PTPRN2: variants seen among roughly 807,000 people sequenced by gnomAD.
PTPRN2 encodes protein tyrosine phosphatase receptor type N2.
In PTPRN2, 74 loss-of-function variants were observed where a neutral mutation model predicts 118.8. The observed-to-expected ratio is 0.62, with a 90% CI of 0.52 to 0.76. The LOEUF is 0.76. PTPRN2 is among the 30% of genes least tolerant of loss of function. The pLI is 0.00. For missense variants in PTPRN2, 1,481 were observed against 1,394.4 expected, an observed-to-expected ratio of 1.06 and a Z score of -0.99; for synonymous variants, 641 against 608.0, an observed-to-expected ratio of 1.05 and a Z score of -0.80.
At chr7:158,337,525 A>T (rs377363813) in intron 2 of PTPRN2, among the ~76,000 whole-genome samples, 9 of 147,300 alleles carry the variant, frequency 6.1e-5, no homozygotes, top group East Asian at 2.0e-4. Context: ...TCACCATAAG[A>T]GGTGACACCT....
chr7:158,217,575 A>G (rs529494557), intron 3 of PTPRN2, among the ~76,000 whole-genome samples: 1 of 152,320 alleles, frequency 6.6e-6, no homozygotes, highest in South Asian at 2.1e-4. Flanking sequence ...ACAAATGAAC[A>G]CACTAGCTAC....
chr7:158,203,824 T>C (rs1163686179), intron 4 of PTPRN2, among the ~76,000 whole-genome samples: 1 of 152,170 alleles, frequency 6.6e-6, no homozygotes. Flanking sequence ...TTTTGGTGGG[T>C]TTTTGTTTGG....
intron 13 of PTPRN2, among the ~76,000 whole-genome samples, chr7:157,664,405 A>G (rs1050240574): frequency 2.6e-5 from 4 of 152,270 alleles, no homozygotes; most frequent in African/African-American, 9.6e-5. Flanking sequence ...GGCTCCTGTC[A>G]GCCAGTGACA....
intron 5 of PTPRN2, among the ~76,000 whole-genome samples, chr7:158,180,802 G>C (rs1262974370): frequency 6.6e-6 from 1 of 152,164 alleles, no homozygotes; most frequent in Admixed American, 6.6e-5. Flanking sequence ...TGTAACCTGA[G>C]ACTTTCCTGA....
At chr7:157,774,452 C>G (rs78187854) in intron 12 of PTPRN2, among the ~76,000 whole-genome samples, 1 of 152,196 alleles carries the variant, frequency 6.6e-6, no homozygotes, top group Non-Finnish European at 1.5e-5. Context: ...GGATAAACCA[C>G]GTCAATATTA....
chr7:158,523,182 C>T (rs999190825), intron 1 of PTPRN2, among the ~76,000 whole-genome samples: 43 of 150,390 alleles, frequency 2.9e-4, no homozygotes, highest in Non-Finnish European at 5.9e-4. Context: ...AGGGGCCAGA[C>T]GGGTTGCAGC....
At chr7:158,081,203 C>A in intron 11 of PTPRN2, 95 bp downstream of exon 11, 1 of 1,262,170 alleles carries the variant, frequency 7.9e-7, no homozygotes, top group Non-Finnish European at 1.2e-6. Context: ...TAGTGTGAGT[C>A]TCTCTCTGCC....
chr7:158,269,771 G>T (rs998464148), intron 3 of PTPRN2, among the ~76,000 whole-genome samples: 1 of 151,842 alleles, frequency 6.6e-6, no homozygotes, highest in African/African-American at 2.4e-5. Context: ...CAGAGGAACA[G>T]AGACAGAGAG....
intron 12 of PTPRN2, among the ~76,000 whole-genome samples, chr7:157,772,040 A>G (rs111066527): frequency 0.04 from 6,049 of 151,876 alleles, 297 homozygotes; most frequent in African/African-American, 0.099. Flanking sequence ...AGATGCACAG[A>G]CACCCACACA....
intron 12 of PTPRN2, among the ~76,000 whole-genome samples, chr7:157,877,032 C>T (rs1795809320): frequency 1.3e-5 from 2 of 152,156 alleles, no homozygotes; most frequent in African/African-American, 4.8e-5. Context: ...CCAGGGTTTC[C>T]TCGGGGACCC....
chr7:157,910,280 C>T (rs1185453554), intron 11 of PTPRN2, among the ~76,000 whole-genome samples: 4 of 150,772 alleles, frequency 2.7e-5, no homozygotes, highest in Admixed American at 6.6e-5. Flanking sequence ...GGACCACGCA[C>T]GTACGCCGGA....
Position 157,977,145 on chromosome 7 carries a change from G to A in PTPRN2, c.1724-78408C>T, listed in dbSNP as rs374783831. Among the ~76,000 whole-genome samples the A allele has an allele frequency of 4.5e-4, 69 of 152,028 alleles. 2 individuals carry two copies. In the South Asian group the frequency reaches 4.8e-3, roughly 11 times the overall value. ...TCTAATAATTAGTTAACTGATTAAC[G>A]AAATGCATATTCATTAAGCACACCT... is the stretch of plus-strand genomic sequence containing the variant. On this transcript the variant is annotated intron_variant, in intron 11 of 22. Coordinates refer to ENST00000389418, the MANE Select transcript of PTPRN2 (RefSeq NM_002847.5). This position sits in a 1 kb window ranked among gnomAD's most constrained non-coding sequence, Gnocchi z 4.6.
At chr7:158,346,382 C>T (rs958431712) in intron 2 of PTPRN2, among the ~76,000 whole-genome samples, 8 of 152,138 alleles carry the variant, frequency 5.3e-5, no homozygotes, top group African/African-American at 9.7e-5. Context: ...TAAGATCATG[C>T]GGTATTTGTC....
At chr7:158,147,729 ACGCCACG>A in intron 6 of PTPRN2, among the ~76,000 whole-genome samples, 2 of 138,722 alleles carry the variant, frequency 1.4e-5, no homozygotes, top group East Asian at 2.1e-4. Context: ...ACCCCATCTC[ACGCCACG>A]TGTCTTTCCC....
intron 12 of PTPRN2, among the ~76,000 whole-genome samples, chr7:157,730,484 T>C (rs1488003220): frequency 6.6e-6 from 1 of 152,144 alleles, no homozygotes; most frequent in Admixed American, 6.5e-5. Context: ...CTGGCCGAGG[T>C]GGTGCCCCAG....
At chr7:157,769,188 G>T (rs912809744) in intron 12 of PTPRN2, among the ~76,000 whole-genome samples, 2 of 151,986 alleles carry the variant, frequency 1.3e-5, no homozygotes, top group Admixed American at 1.3e-4. Context: ...TCATTATTCC[G>T]CCCCCCACAC....
intron 9 of PTPRN2, among the ~76,000 whole-genome samples, chr7:158,130,706 ACACT>A (rs1347743164): frequency 6.6e-6 from 1 of 151,636 alleles, no homozygotes; most frequent in African/African-American, 2.4e-5. Context: ...TACCCAACAC[ACACT>A]CATATACACA....
At chr7:158,000,587 G>A (rs1324208925) in intron 11 of PTPRN2, among the ~76,000 whole-genome samples, 1 of 146,560 alleles carries the variant, frequency 6.8e-6, no homozygotes, top group East Asian at 2.0e-4. Context: ...GTGGGGGCTG[G>A]TGTCCGGCCG....
chr7:158,381,561 C>A (rs1810967134), intron 2 of PTPRN2, among the ~76,000 whole-genome samples: 1 of 152,180 alleles, frequency 6.6e-6, no homozygotes, highest in Admixed American at 6.5e-5. Context: ...TAGGAAGTGC[C>A]AAACTTTCCC....
Sources: gnomAD v4.1 joint callset for allele counts (sites outside exome capture counted in the v4.1 genomes callset) on GRCh38, gnomAD v4.1.1 for gene constraint, Gnocchi (gnomAD v3.1) non-coding constraint, MANE v1.5 for transcripts, NCBI Gene and HGNC (gene_info 2026-07-23, HGNC 2026-07-21) for gene names.